PBX3: variants seen among roughly 807,000 people sequenced by gnomAD.
PBX3 encodes the protein pre-B-cell leukemia transcription factor 3.
PBX3 carries 14 observed loss-of-function variants against 48.5 expected under a neutral mutation model. The ratio of observed to expected loss-of-function variants is 0.29; its 90% CI spans 0.19 to 0.45. The LOEUF is 0.45. PBX3 is among the 20% of genes least tolerant of loss of function. PBX3 has a pLI of 1.00. For synonymous variants in PBX3, 210 were observed against 200.3 expected (o/e 1.05, Z -0.41); for missense variants, 386 against 546.7 (o/e 0.71, Z 2.93).
chr9:125,963,148 CA>C (rs1187719507), intron 8 of PBX3, 47 bp downstream of exon 8: 2 of 1,028,660 alleles, frequency 1.9e-6, no homozygotes, highest in Admixed American at 4.0e-5. Flanking sequence ...GTCAGGTAAA[CA>C]GTGACTAATA....
chr9:125,899,240 TATACATATGTATATATATTTATATATAA>T (rs1165450876), intron 2 of PBX3, among the ~76,000 whole-genome samples: 6 of 135,908 alleles, frequency 4.4e-5, no homozygotes, highest in East Asian at 4.1e-4. Context: ...TATATATAAA[TATACATATGTATATATATTTATATATAA>T]ATATACATAT....
At chr9:125,886,130 C>G (rs1840494827) in intron 2 of PBX3, among the ~76,000 whole-genome samples, 1 of 151,968 alleles carries the variant, frequency 6.6e-6, no homozygotes, top group African/African-American at 2.4e-5. Flanking sequence ...CATGGGGAAA[C>G]AGTTGTGATT....
chr9:125,872,728 C>A (rs1265864948), intron 2 of PBX3, among the ~76,000 whole-genome samples: 4 of 151,336 alleles, frequency 2.6e-5, no homozygotes, highest in African/African-American at 7.3e-5. Flanking sequence ...CCACTGCACT[C>A]CAGCCTAGGT....
At chr9:125,882,052 A>G (rs1840394780) in intron 2 of PBX3, among the ~76,000 whole-genome samples, 1 of 151,708 alleles carries the variant, frequency 6.6e-6, no homozygotes, top group Non-Finnish European at 1.5e-5. Flanking sequence ...TAAATAAATA[A>G]ATAATAAAAT....
chr9:125,949,472 G>T, intron 5 of PBX3: 1 of 1,550,408 alleles, frequency 6.4e-7, no homozygotes, highest in Non-Finnish European at 8.7e-7. Flanking sequence ...GAAGGTATGA[G>T]CCAGGGAGGG....
At chr9:125,946,974 A>G (rs12353435) in intron 5 of PBX3, among the ~76,000 whole-genome samples, 85,878 of 152,004 alleles carry the variant, frequency 0.56, 26,926 homozygotes, top group Middle Eastern at 0.73. Context: ...CAACAATTCA[A>G]TGACCACTGA....
intron 2 of PBX3, among the ~76,000 whole-genome samples, chr9:125,880,926 A>C (rs1372970110): frequency 6.6e-6 from 1 of 152,222 alleles, no homozygotes; most frequent in East Asian, 1.9e-4. Context: ...TTTTTTAAAA[A>C]CAGAGTTATG....
intron 2 of PBX3, among the ~76,000 whole-genome samples, chr9:125,781,409 A>T (rs1837306826): frequency 6.6e-6 from 1 of 151,584 alleles, no homozygotes; most frequent in Admixed American, 6.6e-5. Context: ...AATCGCAGGC[A>T]CTCGGCCGGC....
At chr9:125,854,473 G>A (rs1011028836) in intron 2 of PBX3, among the ~76,000 whole-genome samples, 2 of 151,918 alleles carry the variant, frequency 1.3e-5, no homozygotes, top group African/African-American at 4.8e-5. Flanking sequence ...TAATCTATTG[G>A]ACACCCCCTG....
chr9:125,819,018 T>C (rs1838565734), intron 2 of PBX3, among the ~76,000 whole-genome samples: 1 of 150,372 alleles, frequency 6.7e-6, no homozygotes, highest in South Asian at 2.1e-4. Context: ...GTGTTTTTAG[T>C]AGAGATGGGG....
chr9:125,944,401 A>C (rs961029189), intron 5 of PBX3, among the ~76,000 whole-genome samples: 1 of 152,212 alleles, frequency 6.6e-6, no homozygotes, highest in Non-Finnish European at 1.5e-5. Flanking sequence ...AGTGCCTACT[A>C]TATGTCAGGC....
chr9:125,955,695 A>G (rs1842290734), intron 5 of PBX3, among the ~76,000 whole-genome samples: 1 of 152,180 alleles, frequency 6.6e-6, no homozygotes, highest in Non-Finnish European at 1.5e-5. Context: ...TTGCCTCAGA[A>G]GCCTCCTCTG....
At chr9:125,865,016 C>T (rs57395372) in intron 2 of PBX3, among the ~76,000 whole-genome samples, 5,952 of 152,312 alleles carry the variant, frequency 0.039, 411 homozygotes, top group African/African-American at 0.13. Flanking sequence ...GCATGCATAA[C>T]ATAAAGACTA....
chr9:125,801,026 C>T (rs1837929022), intron 2 of PBX3, among the ~76,000 whole-genome samples: 1 of 152,174 alleles, frequency 6.6e-6, no homozygotes, highest in Non-Finnish European at 1.5e-5. Context: ...GTTGGGATTA[C>T]AGGCATGAGC....
chr9:125,810,858 A>G (rs929749158), intron 2 of PBX3, among the ~76,000 whole-genome samples: 1 of 152,166 alleles, frequency 6.6e-6, no homozygotes, highest in Non-Finnish European at 1.5e-5. Context: ...TGGGGGTGGC[A>G]AATGGTAGAA....
At chr9:125,855,413 T>C (rs984925126) in intron 2 of PBX3, among the ~76,000 whole-genome samples, 2 of 152,158 alleles carry the variant, frequency 1.3e-5, no homozygotes, top group Non-Finnish European at 2.9e-5. Context: ...TACAGTACTT[T>C]AATATATTCC....
In PBX3 at chr9:125,963,025, G is replaced by A. The variant is rs747241535; in HGVS notation, c.1136G>A (p.Arg379His). The change falls in exon 8 of 9, where the codon CGT (arginine) becomes CAT (histidine). Residue 379 changes from arginine to histidine, a missense_variant. Transcript: ENST00000373489. ...ANVQSQVDTL[R>H]HVINQTGGYS... ...TCTCACTTCTAGGTGGATACCCTCC[G>A]TCATGTTATCAATCAGACGGGAGGC... 25 of 1,602,716 alleles carry A rather than the reference G, an allele frequency of 1.6e-5. No individual in the cohort carries two copies. Among genetic ancestry groups the A allele is most frequent in the Admixed American group, 5.0e-5 (3 of 59,866 alleles).
intron 2 of PBX3, among the ~76,000 whole-genome samples, chr9:125,778,726 G>A (rs1046769783): frequency 6.1e-5 from 9 of 147,796 alleles, no homozygotes; most frequent in African/African-American, 2.3e-4. Flanking sequence ...CTCTTTGCCC[G>A]GTACTGGGCA....
intron 2 of PBX3, among the ~76,000 whole-genome samples, chr9:125,890,616 T>C (rs1421180425): frequency 2.0e-5 from 3 of 152,190 alleles, no homozygotes; most frequent in African/African-American, 4.8e-5. Context: ...TCAAGAAATA[T>C]TGGGGATGGT....
Sources: allele counts gnomAD v4.1 joint callset (sites outside exome capture counted in the v4.1 genomes callset), GRCh38; gene constraint gnomAD v4.1.1; transcripts MANE v1.5; gene names NCBI Gene and HGNC (gene_info 2026-07-23, HGNC 2026-07-21).